SLC16A7: variants seen among roughly 807,000 people sequenced by gnomAD.
SLC16A7 encodes solute carrier family 16 member 7, also known as monocarboxylate transporter 2.
Under a neutral mutation model 34.9 loss-of-function variants are expected in SLC16A7, and 33 were observed. That is an observed-to-expected ratio of 0.94 (90% CI 0.72 to 1.26). SLC16A7 has a LOEUF of 1.26. SLC16A7 is among the 50% of genes most tolerant of loss of function. The pLI is 0.00. For synonymous variants in SLC16A7, 201 were observed against 206.6 expected (o/e 0.97, Z 0.23); for missense variants, 573 against 578.1 (o/e 0.99, Z 0.09).
chr12:59,738,971 T>C (rs974689417), intron 3 of SLC16A7, among the ~76,000 whole-genome samples: 57 of 151,570 alleles, frequency 3.8e-4, no homozygotes, highest in African/African-American at 1.2e-3. Context: ...ATATTATATA[T>C]TAGGATGCAA....
intron 3 of SLC16A7, among the ~76,000 whole-genome samples, chr12:59,726,573 C>A (rs555661704): frequency 6.6e-6 from 1 of 152,088 alleles, no homozygotes; most frequent in African/African-American, 2.4e-5. Context: ...ATCTTATTAA[C>A]CAGTTTCTGA....
chr12:59,706,717 T>C (rs1228903904), intron 3 of SLC16A7, among the ~76,000 whole-genome samples: 1 of 152,124 alleles, frequency 6.6e-6, no homozygotes, highest in African/African-American at 2.4e-5. Flanking sequence ...CAGCACACAG[T>C]CATCTTGATT....
intron 2 of SLC16A7, among the ~76,000 whole-genome samples, chr12:59,661,004 G>A (rs1411899601): frequency 6.6e-6 from 1 of 151,984 alleles, no homozygotes; most frequent in Admixed American, 6.6e-5. Flanking sequence ...ACTATAATTG[G>A]CAATAGCAAT....
chr12:59,687,552 T>C (rs77701932), intron 2 of SLC16A7, among the ~76,000 whole-genome samples: 2,097 of 152,254 alleles, frequency 0.014, 22 homozygotes, highest in Middle Eastern at 0.054. Flanking sequence ...AATGTGTTTC[T>C]CAGGATTTTG....
intron 2 of SLC16A7, among the ~76,000 whole-genome samples, chr12:59,697,278 A>G (rs1872408963): frequency 6.6e-6 from 1 of 152,032 alleles, no homozygotes; most frequent in African/African-American, 2.4e-5. Context: ...TGTGCAGGTC[A>G]CTTATTGTCA....
At chr12:59,612,448 T>C (rs954515823) in intron 1 of SLC16A7, among the ~76,000 whole-genome samples, 1 of 152,132 alleles carries the variant, frequency 6.6e-6, no homozygotes, top group African/African-American at 2.4e-5. Flanking sequence ...TTTTCCCTCC[T>C]GGACCTGGCC....
intron 1 of SLC16A7, among the ~76,000 whole-genome samples, chr12:59,614,824 T>TA (rs71448588): frequency 0.19 from 6,963 of 35,756 alleles, 1,327 homozygotes; most frequent in African/African-American, 0.38. Flanking sequence ...CCATTCCTAC[T>TA]AAAAAAAAAA....
chr12:59,677,647 C>A (rs746529921), intron 2 of SLC16A7, among the ~76,000 whole-genome samples: 34 of 152,182 alleles, frequency 2.2e-4, no homozygotes, highest in Non-Finnish European at 4.3e-4. Flanking sequence ...AGATTACTTG[C>A]AGTAGAATCT....
At chr12:59,719,803 C>T (rs557388085) in intron 3 of SLC16A7, 5 of 326,360 alleles carry the variant, frequency 1.5e-5, no homozygotes, top group South Asian at 1.3e-4. Context: ...GCAAATGCTG[C>T]CCTAGATTTG....
intron 2 of SLC16A7, among the ~76,000 whole-genome samples, chr12:59,678,757 T>A (rs143578456): frequency 1.2e-4 from 18 of 152,226 alleles, no homozygotes; most frequent in African/African-American, 3.8e-4. Flanking sequence ...GGGTTTCACC[T>A]GGAACCCATC....
chr12:59,613,179 G>GCAAA (rs1188767916), intron 1 of SLC16A7, among the ~76,000 whole-genome samples: 2 of 152,252 alleles, frequency 1.3e-5, no homozygotes, highest in Non-Finnish European at 2.9e-5. Flanking sequence ...GGAAGGGGAA[G>GCAAA]CAAACACTTC....
At chr12:59,643,835 C>T (rs545309966) in intron 1 of SLC16A7, among the ~76,000 whole-genome samples, 290 of 152,258 alleles carry the variant, frequency 1.9e-3, no homozygotes, top group Non-Finnish European at 3.1e-3. Context: ...CGTGGTGTTA[C>T]ACTTCAATAG....
chr12:59,642,196 A>T (rs192495309), intron 1 of SLC16A7, among the ~76,000 whole-genome samples: 11 of 151,994 alleles, frequency 7.2e-5, no homozygotes, highest in African/African-American at 2.7e-4. Context: ...CAGATTCATT[A>T]TCCTTTGTTT....
At chr12:59,615,167 C>A (rs1879391541) in intron 1 of SLC16A7, among the ~76,000 whole-genome samples, 1 of 152,078 alleles carries the variant, frequency 6.6e-6, no homozygotes, top group African/African-American at 2.4e-5. Flanking sequence ...GGGCCTCTCA[C>A]CAGATTCTGA....
chr12:59,748,641 A>G (rs1056656972), intron 3 of SLC16A7, among the ~76,000 whole-genome samples: 7 of 152,218 alleles, frequency 4.6e-5, no homozygotes, highest in Non-Finnish European at 8.8e-5. Flanking sequence ...TACCATTTCA[A>G]GATAATTGAA....
chr12:59,610,926 AT>A (rs201422585), intron 1 of SLC16A7, among the ~76,000 whole-genome samples: 1 of 151,600 alleles, frequency 6.6e-6, no homozygotes, highest in Non-Finnish European at 1.5e-5. Flanking sequence ...AAACAACACA[AT>A]TTTTTTTTCA....
chr12:59,775,138 G>A lies in SLC16A7; in HGVS notation c.843G>A (p.Ser281=), dbSNP rs751927899. The A allele has an allele frequency of 4.7e-5, 76 of 1,613,826 alleles. No individual in the cohort carries two copies. Among genetic ancestry groups the A allele is most frequent in the Non-Finnish European group, 5.8e-5 (68 of 1,179,990 alleles). Residue 281 remains serine (S), a synonymous_variant, in exon 5 of 6, where the codon TCG becomes TCA. Coordinates refer to ENST00000547379, the MANE Select transcript of SLC16A7 (RefSeq NM_001270623.2). ...AAGACCAAGGAATTGATGAGTACTC[G>A]GCAGCTTTTCTGCTATCTGTTATGG... is the stretch of plus-strand genomic sequence containing the variant. ...YAKDQGIDEY[S]AAFLLSVMAF...
rs1330379060 is a variant in SLC16A7, at chr12:59,788,313, A to G, written c.*8634A>G. Reference sequence around the variant, plus strand: ...GATTTAGGGGTTAATGTTTAGAATTATTTTTAAAATATAAATTATATTTTA... The same window carrying G: ...GATTTAGGGGTTAATGTTTAGAATTGTTTTTAAAATATAAATTATATTTTA... On this transcript the variant is annotated 3_prime_UTR_variant, in exon 6 of 6. Coordinates refer to ENST00000547379, the MANE Select transcript of SLC16A7 (RefSeq NM_001270623.2). 1 of 152,086 alleles carries G rather than the reference A, an allele frequency of 6.6e-6. No individual in the cohort carries two copies. 9.4% of individuals were successfully genotyped at this position (152,086 alleles called of 1,614,324 possible).
chr12:59,632,854 A>T (rs1880244266), intron 1 of SLC16A7, among the ~76,000 whole-genome samples: 1 of 151,982 alleles, frequency 6.6e-6, no homozygotes, highest in Non-Finnish European at 1.5e-5. Context: ...GCAGTGTATG[A>T]GTGGCTGAGA....
Sources: allele counts gnomAD v4.1 joint callset (sites outside exome capture counted in the v4.1 genomes callset), GRCh38; gene constraint gnomAD v4.1.1; transcripts MANE v1.5; gene names NCBI Gene and HGNC (gene_info 2026-07-23, HGNC 2026-07-21).